The following ROBO2 variants were observed in gnomAD, a reference collection of about 807,000 sequenced individuals.
ROBO2 encodes roundabout homolog 2.
In ROBO2, 53 loss-of-function variants were observed where a neutral mutation model predicts 160.8. The ratio of observed to expected loss-of-function variants is 0.33; its 90% confidence interval spans 0.26 to 0.41. The LOEUF is 0.41. Among genes scored for constraint, ROBO2 ranks in the 10% least tolerant of loss-of-function variants. The pLI, the probability that ROBO2 is intolerant of heterozygous loss-of-function variation, is 1.00. For synonymous variants in ROBO2, 664 were observed against 611.7 expected (o/e 1.09, Z -1.26); for missense variants, 1,577 against 1,722.4 (o/e 0.92, Z 1.49).
At position 76,569,769 on chromosome 3, in the gene ROBO2, C is replaced by CGGA. The variant is rs571559343; in HGVS notation, c.110-528244_110-528243insGAG. 2.8e-4 allele frequency among the ~76,000 whole-genome samples: 42 copies of CGGA among 152,228 alleles called. 2 individuals are homozygous for CGGA. The highest frequency in any genetic ancestry group is 2.7e-3 in the South Asian group (13 of 4,826). On this transcript the variant is annotated intron_variant, in intron 2 of 26. Transcript: ENST00000487694. ...CTACCATTATAGCCACCCCATTCTG[C>CGGA]GAACACTTTCACTTGGTTGTATTTC... is the stretch of plus-strand genomic sequence containing the variant.
chr3:77,100,798 G>A (rs544734905), intron 2 of ROBO2, among the ~76,000 whole-genome samples: 2 of 152,154 alleles, frequency 1.3e-5, no homozygotes, highest in East Asian at 1.9e-4. Flanking sequence ...AAAATACTAC[G>A]CAAATCCGGA....
At chr3:75,960,428 GC>G (rs1234668418) in intron 2 of ROBO2, among the ~76,000 whole-genome samples, 1 of 151,750 alleles carries the variant, frequency 6.6e-6, no homozygotes, top group Non-Finnish European at 1.5e-5. Flanking sequence ...AATGTTTAAG[GC>G]TGGATGTGCT....
intron 2 of ROBO2, among the ~76,000 whole-genome samples, chr3:77,327,828 T>A (rs528381317): frequency 6.6e-6 from 1 of 151,994 alleles, no homozygotes; most frequent in Non-Finnish European, 1.5e-5. Flanking sequence ...GGTGGGTCGA[T>A]CACCTGAGGT....
At chr3:76,041,484 T>C (rs752910761) in intron 2 of ROBO2, among the ~76,000 whole-genome samples, 10 of 152,058 alleles carry the variant, frequency 6.6e-5, no homozygotes, top group African/African-American at 1.5e-4. Flanking sequence ...CCCACCTACA[T>C]TGGTCCTTTG....
chr3:77,264,606 G>T (rs905068740), intron 2 of ROBO2, among the ~76,000 whole-genome samples: 7 of 152,048 alleles, frequency 4.6e-5, no homozygotes, highest in African/African-American at 1.4e-4. Context: ...TTGTCAACTG[G>T]ATCCTTCTAG....
At chr3:77,053,829 C>T (rs554608820) in intron 1 of ROBO2, among the ~76,000 whole-genome samples, 6 of 152,094 alleles carry the variant, frequency 3.9e-5, no homozygotes, top group African/African-American at 1.4e-4. Flanking sequence ...AGGGAGAAGC[C>T]AGCAAAGCAA....
At chr3:76,347,863 C>G (rs1490921861) in intron 2 of ROBO2, among the ~76,000 whole-genome samples, 1 of 152,020 alleles carries the variant, frequency 6.6e-6, no homozygotes, top group Admixed American at 6.6e-5. Context: ...ATATATTAAG[C>G]AATCTAATGT....
intron 1 of ROBO2, among the ~76,000 whole-genome samples, chr3:77,083,331 A>G (rs60272724): frequency 0.15 from 23,016 of 152,146 alleles, 3,593 homozygotes; most frequent in African/African-American, 0.4. Flanking sequence ...GCGTAAGATG[A>G]ACTTAGGAAA....
chr3:77,183,928 A>C (rs1191852223), intron 2 of ROBO2, among the ~76,000 whole-genome samples: 4 of 152,082 alleles, frequency 2.6e-5, no homozygotes, highest in Admixed American at 6.6e-5. Flanking sequence ...ACACAGCGTC[A>C]ATTTTTCTGC....
chr3:76,692,144 C>G (rs531120568), intron 2 of ROBO2, among the ~76,000 whole-genome samples: 52 of 152,124 alleles, frequency 3.4e-4, no homozygotes, highest in African/African-American at 1.1e-3. Context: ...CCAAAAATAA[C>G]AAGGTTGGGG....
Position 76,442,160 on chromosome 3 carries a change from G to T in ROBO2, c.109+504558G>T, listed in dbSNP as rs373002849. ...ATTGAGCTAATGCTAGTACTTTCAGGAGGCCTAGAGAATACCTCAGAACTC... is the reference window on the plus strand; with the variant it reads ...ATTGAGCTAATGCTAGTACTTTCAGTAGGCCTAGAGAATACCTCAGAACTC... On this transcript the variant is annotated intron_variant, in intron 2 of 26. Coordinates refer to the ROBO2 transcript ENST00000487694. Among the ~76,000 whole-genome samples the T allele has an allele frequency of 3.6e-4, 55 of 152,302 alleles. No homozygotes were observed. The South Asian group carries it at 0.011, about 29-fold the overall frequency.
chr3:76,475,723 T>G (rs1459242652), intron 2 of ROBO2, among the ~76,000 whole-genome samples: 4 of 152,284 alleles, frequency 2.6e-5, no homozygotes, highest in African/African-American at 9.6e-5. Context: ...GTAACCTAAA[T>G]GAGAAAATTC....
At chr3:76,215,498 A>T (rs7650164) in intron 2 of ROBO2, among the ~76,000 whole-genome samples, 16,394 of 152,284 alleles carry the variant, frequency 0.11, 1,144 homozygotes, top group African/African-American at 0.2. Flanking sequence ...AGGGCACGGG[A>T]TCTACGTGAC....
At chr3:76,906,255 A>G (rs1339010601) in intron 2 of ROBO2, among the ~76,000 whole-genome samples, 1 of 151,952 alleles carries the variant, frequency 6.6e-6, no homozygotes, top group Non-Finnish European at 1.5e-5. Flanking sequence ...ATTATTTGAC[A>G]TAAGTATTTA....
intron 2 of ROBO2, among the ~76,000 whole-genome samples, chr3:76,389,038 GA>G (rs1465014144): frequency 2.0e-5 from 3 of 152,110 alleles, no homozygotes; most frequent in African/African-American, 7.2e-5. Context: ...ACTATACATA[GA>G]AAAGGTTATT....
chr3:76,421,531 A>C (rs906152362), intron 2 of ROBO2, among the ~76,000 whole-genome samples: 1 of 152,082 alleles, frequency 6.6e-6, no homozygotes, highest in Admixed American at 6.5e-5. Flanking sequence ...GTGTGACACC[A>C]GCCTGACCAA....
intron 2 of ROBO2, among the ~76,000 whole-genome samples, chr3:76,719,107 A>G (rs1428785988): frequency 6.6e-6 from 1 of 152,134 alleles, no homozygotes; most frequent in African/African-American, 2.4e-5. Flanking sequence ...AATTTTAGAG[A>G]TAGAAAATTG....
Position 77,434,234 on chromosome 3 carries a change from C to T in ROBO2, c.389-43180C>T, listed in dbSNP as rs190474981. 4.1e-4 allele frequency among the ~76,000 whole-genome samples: 63 copies of T among 152,126 alleles called. 1 individual carries two copies. Among genetic ancestry groups the T allele is most frequent in the Non-Finnish European group, 7.6e-4 (52 of 67,992 alleles). On this transcript the variant is annotated intron_variant, in intron 2 of 25. Transcript: ENST00000461745. ...GCTTCCTTATCCTTAGCCTAGATAACCCCTGAATATCTTTCTCAGCAGAAC... is the reference window on the plus strand; with the variant it reads ...GCTTCCTTATCCTTAGCCTAGATAATCCCTGAATATCTTTCTCAGCAGAAC...
intron 2 of ROBO2, among the ~76,000 whole-genome samples, chr3:76,129,049 T>A (rs2071117868): frequency 2.0e-5 from 3 of 151,336 alleles, no homozygotes; most frequent in Non-Finnish European, 2.9e-5. Flanking sequence ...AGTAAAGGAG[T>A]TTGTCATTTC....
Sources: allele counts gnomAD v4.1 joint callset (sites outside exome capture counted in the v4.1 genomes callset), GRCh38; gene constraint gnomAD v4.1.1; transcripts MANE v1.5; gene names NCBI Gene and HGNC (gene_info 2026-07-23, HGNC 2026-07-21).